CPPED1: variants seen among roughly 807,000 people sequenced by gnomAD.
The protein encoded by CPPED1 is calcineurin like phosphoesterase domain containing 1, also known as serine/threonine-protein phosphatase CPPED1.
In CPPED1, 28 loss-of-function variants were observed where a neutral mutation model predicts 28.0. The observed-to-expected ratio is 1.00, with a 90% CI of 0.74 to 1.37. The LOEUF is 1.37. Among genes scored for constraint, CPPED1 ranks in the 40% most tolerant of loss-of-function variants. The probability of loss-of-function intolerance (pLI) is 0.00; values close to 1 mark genes in which losing one functional copy is unlikely to be tolerated. For synonymous variants in CPPED1, 198 were observed against 180.2 expected (o/e 1.10, Z -0.79); for missense variants, 504 against 416.5 (o/e 1.21, Z -1.83).
At chr16:12,716,940 G>T (rs1254351759) in intron 2 of CPPED1, among the ~76,000 whole-genome samples, 3 of 147,596 alleles carry the variant, frequency 2.0e-5, no homozygotes, top group Non-Finnish European at 4.4e-5. Context: ...AGCTCAGGGT[G>T]GGGGTAACTA....
At chr16:12,744,249 C>T (rs113269852) in intron 2 of CPPED1, among the ~76,000 whole-genome samples, 6,408 of 143,492 alleles carry the variant, frequency 0.045, 498 homozygotes, top group African/African-American at 0.16. Context: ...CCAGCCTGGG[C>T]GACAGAGCAA....
chr16:12,760,902 C>CA (rs2080405310), intron 2 of CPPED1: 1 of 152,244 alleles, frequency 6.6e-6, no homozygotes, highest in Admixed American at 6.5e-5. Context: ...CATTTGCAGA[C>CA]ATGTGGCTTT....
intron 2 of CPPED1, among the ~76,000 whole-genome samples, chr16:12,726,534 G>A (rs1294327964): frequency 2.6e-5 from 4 of 151,752 alleles, no homozygotes; most frequent in African/African-American, 9.7e-5. Context: ...GTAGAGACGG[G>A]GTTTCACCCT....
chr16:12,797,694 T>C (rs893405407), intron 1 of CPPED1, among the ~76,000 whole-genome samples: 1 of 151,954 alleles, frequency 6.6e-6, no homozygotes, highest in African/African-American at 2.4e-5. Flanking sequence ...ACATTAATGA[T>C]AGCTGATGAG....
At chr16:12,668,804 G>A (rs2079839322) in intron 3 of CPPED1, among the ~76,000 whole-genome samples, 1 of 152,264 alleles carries the variant, frequency 6.6e-6, no homozygotes, top group African/African-American at 2.4e-5. Context: ...CCACTCGGAT[G>A]GCTGTGATGA....
Position 12,660,170 on chromosome 16 carries a change from G to A in CPPED1, c.*4716C>T, listed in dbSNP as rs1382137704. On this transcript the variant is annotated 3_prime_UTR_variant, in exon 4 of 4. Transcript: ENST00000381774. Reference sequence around the variant, plus strand: ...AGGCCACTTTCAGGGGTGAGCGTTTGAGTGGATGTTGAAATGATGACAAGA... The same window carrying A: ...AGGCCACTTTCAGGGGTGAGCGTTTAAGTGGATGTTGAAATGATGACAAGA... 3 of 152,214 alleles carry A rather than the reference G, an allele frequency of 2.0e-5. No homozygotes were observed. The highest frequency in any genetic ancestry group is 4.4e-5 in the Non-Finnish European group (3 of 68,056). The allele number at this position is 152,214 out of a possible 1,614,324, so 9.4% of individuals were successfully genotyped here.
Position 12,714,286 on chromosome 16 carries a change from T to C in CPPED1, c.290-9237A>G, listed in dbSNP as rs151146149. 3.8e-3 allele frequency among the ~76,000 whole-genome samples: 579 copies of C among 152,328 alleles called. 2 individuals carry two copies. The highest frequency in any genetic ancestry group is 0.013 in the African/African-American group (539 of 41,574). On this transcript the variant is annotated intron_variant, in intron 2 of 3. Coordinates refer to ENST00000381774, the MANE Select transcript of CPPED1 (RefSeq NM_018340.3). ...ACATGTGAAAAGATGTGTGGATATC[T>C]TTCATCTCTCTTGAGTGTATACCTA...
rs982847563 is a variant in CPPED1 at position 12,661,563 on chromosome 16, T to C, written c.*3323A>G. ...CTTTAAAAAACCTTCCCCCGTAACA[T>C]GTCCTTGTGTTTTTGTTTTTTCCTC... On this transcript the variant is annotated 3_prime_UTR_variant, in exon 4 of 4. Coordinates refer to ENST00000381774, the MANE Select transcript of CPPED1 (RefSeq NM_018340.3). 2 of 152,188 alleles carry C rather than the reference T, an allele frequency of 1.3e-5. No homozygotes were observed. The highest frequency in any genetic ancestry group is 2.9e-5 in the Non-Finnish European group (2 of 68,028). 9.4% of individuals were successfully genotyped at this position (152,188 alleles called of 1,614,324 possible).
At chr16:12,713,306 T>C (rs1370481574) in intron 2 of CPPED1, among the ~76,000 whole-genome samples, 1 of 152,200 alleles carries the variant, frequency 6.6e-6, no homozygotes, top group East Asian at 1.9e-4. Context: ...GATATCTGAA[T>C]GAAATAGCAT....
chr16:12,680,557 G>A (rs909167159), intron 3 of CPPED1, among the ~76,000 whole-genome samples: 4 of 152,172 alleles, frequency 2.6e-5, no homozygotes, highest in African/African-American at 9.7e-5. Context: ...TTCTCAGAGA[G>A]CATCCAGATT....
intron 2 of CPPED1, among the ~76,000 whole-genome samples, chr16:12,769,669 G>A (rs2141231821): frequency 6.6e-6 from 1 of 152,342 alleles, no homozygotes; most frequent in Middle Eastern, 3.4e-3. Context: ...CATACTGGAT[G>A]TGAAGGAGTG....
intron 1 of CPPED1, among the ~76,000 whole-genome samples, chr16:12,803,484 G>A (rs561165939): frequency 1.0e-3 from 157 of 152,330 alleles, no homozygotes; most frequent in African/African-American, 3.5e-3. Flanking sequence ...GTTAGGTCAA[G>A]GCCAAGGAGG....
chr16:12,715,269 T>C (rs369241185), intron 2 of CPPED1, among the ~76,000 whole-genome samples: 19 of 152,210 alleles, frequency 1.2e-4, no homozygotes, highest in African/African-American at 4.6e-4. Context: ...GTTTTCGCTA[T>C]TCTGGGCCCA....
At chr16:12,696,941 C>G (rs997812869) in intron 3 of CPPED1, among the ~76,000 whole-genome samples, 5 of 152,168 alleles carry the variant, frequency 3.3e-5, no homozygotes, top group Non-Finnish European at 7.3e-5. Flanking sequence ...CCGGCCCAGA[C>G]GCTAATTCCC....
chr16:12,668,579 C>G (rs1484013018), intron 3 of CPPED1, among the ~76,000 whole-genome samples: 1 of 152,136 alleles, frequency 6.6e-6, no homozygotes, highest in Non-Finnish European at 1.5e-5. Flanking sequence ...AAAATATTTG[C>G]AAATCATGTA....
Position 12,720,635 on chromosome 16 carries a change from G to A in CPPED1, c.290-15586C>T, listed in dbSNP as rs551542013. Among the ~76,000 whole-genome samples the A allele has an allele frequency of 4.6e-5, 7 of 152,250 alleles. No individual in the cohort carries two copies. In the East Asian group the frequency reaches 1.2e-3, roughly 25 times the overall value. On this transcript the variant is annotated intron_variant, in intron 2 of 3. Coordinates refer to ENST00000381774, the MANE Select transcript of CPPED1 (RefSeq NM_018340.3). ...CCTGAGTATCTGGTACTACAGGTGT[G>A]CACCACCACACTTGGCTAATTTTTG... is the stretch of plus-strand genomic sequence containing the variant.
intron 2 of CPPED1, among the ~76,000 whole-genome samples, chr16:12,764,112 G>A (rs2080425539): frequency 1.3e-5 from 2 of 151,082 alleles, no homozygotes; most frequent in Non-Finnish European, 2.9e-5. Context: ...TCATGAAAAA[G>A]CATTAACTGT....
chr16:12,772,741 T>A (rs2080477092), intron 2 of CPPED1, among the ~76,000 whole-genome samples: 1 of 152,188 alleles, frequency 6.6e-6, no homozygotes, highest in African/African-American at 2.4e-5. Flanking sequence ...ATGAAAAGCT[T>A]CTTCATCTAT....
intron 2 of CPPED1, among the ~76,000 whole-genome samples, chr16:12,768,030 A>T (rs2080449380): frequency 1.3e-5 from 2 of 152,180 alleles, no homozygotes; most frequent in Non-Finnish European, 2.9e-5. Context: ...AAGTTTCATA[A>T]AAATTTTCTT....
Sources: gnomAD v4.1 joint callset for allele counts (sites outside exome capture counted in the v4.1 genomes callset) on GRCh38, gnomAD v4.1.1 for gene constraint, MANE v1.5 for transcripts, NCBI Gene and HGNC (gene_info 2026-07-23, HGNC 2026-07-21) for gene names.